DUSP9: variants seen among roughly 807,000 people sequenced by gnomAD.
The protein encoded by DUSP9 is dual specificity phosphatase 9.
In DUSP9, 4 loss-of-function variants were observed where a neutral mutation model predicts 13.2. The observed-to-expected ratio is 0.30, with a 90% CI of 0.15 to 0.69. The LOEUF (loss-of-function observed/expected upper bound fraction) is 0.69, where lower values mean the gene tolerates loss of function less well. Ranked by LOEUF, DUSP9 falls within the 30% of genes least tolerant of loss-of-function variation. The probability of loss-of-function intolerance (pLI) is 0.73; values close to 1 mark genes in which losing one functional copy is unlikely to be tolerated. For synonymous variants in DUSP9, 166 were observed against 172.3 expected, an observed-to-expected ratio of 0.96 and a Z score of 0.29; for missense variants, 263 against 355.0, an observed-to-expected ratio of 0.74 and a Z score of 2.08.
At chrX:153,643,508 A>G (rs1557035088), upstream of DUSP9, 2 of 342,849 alleles carry the variant, frequency 5.8e-6, no homozygotes, top group Non-Finnish European at 1.2e-5. Context: ...AGAAATAAAG[A>G]AGGCACTTTG....
chrX:153,648,749 T>G (rs2091199682), intron 2 of DUSP9, among the ~76,000 whole-genome samples: 1 of 111,691 alleles, frequency 9.0e-6, no homozygotes, highest in Non-Finnish European at 1.9e-5. Flanking sequence ...ATATAAAGTG[T>G]CAGGTGTCCA....
intron 3 of DUSP9, 32 bp from the exon 4 acceptor site, chrX:153,649,948 G>C (rs1774615831): frequency 8.4e-7 from 1 of 1,185,169 alleles, no homozygotes; most frequent in Admixed American, 2.2e-5. Context: ...CCTGCCCTCC[G>C]GGTCTCCCGG....
upstream of DUSP9, chrX:153,643,358 T>C (rs2091175881): frequency 3.4e-6 from 1 of 298,142 alleles, no homozygotes; most frequent in Non-Finnish European, 6.6e-6. Context: ...ACGCGGGCTC[T>C]AGAGGCTGCA....
intron 2 of DUSP9, 121 bp downstream of exon 2, chrX:153,648,447 T>C: frequency 1.2e-6 from 1 of 847,621 alleles, no homozygotes; most frequent in South Asian, 3.6e-5. Flanking sequence ...GCCAGGCTGC[T>C]TTGAGAGGAG....
chrX:153,643,905 G>A (rs947252329), upstream of DUSP9, among the ~76,000 whole-genome samples: 1 of 112,963 alleles, frequency 8.9e-6, no homozygotes, highest in Non-Finnish European at 1.9e-5. Context: ...TGCACTGGGG[G>A]CTGGGGCCAG....
rs2091211790 is a variant in DUSP9, at chrX:153,650,567, A to G, written c.*262A>G. On this transcript the variant is annotated 3_prime_UTR_variant, in exon 4 of 4. Transcript: ENST00000342782. ...CCTCTCCAGGTGGTTGTCCAGGCCC[A>G]GGTCCCGGCCCTGGGTGCTCAGCCA... is the stretch of plus-strand genomic sequence containing the variant. The G allele has an allele frequency of 2.8e-6, 1 of 363,322 alleles. No individual in the cohort carries two copies. Among genetic ancestry groups the G allele is most frequent in the Non-Finnish European group, 4.8e-6 (1 of 209,606 alleles). 29.9% of individuals were successfully genotyped at this position (363,322 alleles called of 1,213,427 possible). A position where few individuals can be genotyped will look rare whatever the true frequency, so the allele number is the denominator to read the frequency against.
chrX:153,643,339 A>T, upstream of DUSP9: 1 of 279,315 alleles, frequency 3.6e-6, no homozygotes, highest in Non-Finnish European at 7.0e-6. Context: ...CTCACCCCCA[A>T]CACCTGGCAC....
Position 153,650,287 on chromosome X carries a change from C to T in DUSP9, c.1137C>T (p.Phe379=). The part of the protein sequence containing the change: ...FFTTPTSDGA[F]ELAPT ...CCACCCCCACCAGTGATGGCGCCTT[C>T]GAGCTGGCCCCCACCTAGGGCCCCG... Residue 379 remains phenylalanine (F), a synonymous_variant, in exon 4 of 4, where the codon TTC becomes TTT. Transcript: ENST00000342782. 3 of 1,193,600 alleles carry T rather than the reference C, an allele frequency of 2.5e-6. No homozygotes were observed. The highest frequency in any genetic ancestry group is 3.4e-6 in the Non-Finnish European group (3 of 885,346).
chrX:153,644,827 C>T (rs1330290641), upstream of DUSP9, among the ~76,000 whole-genome samples: 2 of 112,335 alleles, frequency 1.8e-5, no homozygotes, highest in Non-Finnish European at 3.8e-5. Flanking sequence ...AGCCCAGCTC[C>T]TCTCACCTCC....
chrX:153,649,936 C>T (rs782533169), intron 3 of DUSP9, 44 bp from the exon 4 acceptor site: 2 of 1,173,241 alleles, frequency 1.7e-6, no homozygotes, highest in Admixed American at 2.2e-5. Flanking sequence ...GCCTCACACA[C>T]GCCTGCCCTC....
intron 2 of DUSP9, 76 bp from the exon 3 acceptor site, chrX:153,649,156 T>C (rs2091201530): frequency 2.0e-6 from 2 of 1,007,576 alleles, no homozygotes; most frequent in Middle Eastern, 3.2e-4. Context: ...TCCAGGGTCA[T>C]CTCCCCAGCC....
At chrX:153,643,048 C>G (rs1365780283), upstream of DUSP9, among the ~76,000 whole-genome samples, 1 of 107,909 alleles carries the variant, frequency 9.3e-6, no homozygotes, top group Non-Finnish European at 1.9e-5. Flanking sequence ...CCCCCACCAC[C>G]TCGAACTCCC....
At chrX:153,645,996 C>T (rs1557035458), upstream of DUSP9, among the ~76,000 whole-genome samples, 1 of 112,889 alleles carries the variant, frequency 8.9e-6, no homozygotes, top group East Asian at 2.7e-4. Context: ...CACCGCATTC[C>T]CTCCTTCCTG....
In DUSP9 at chrX:153,650,454, T is replaced by C; in HGVS notation, c.*149T>C. 1 of 453,357 alleles carries C rather than the reference T, an allele frequency of 2.2e-6. No homozygotes were observed. 37.4% of individuals were successfully genotyped at this position (453,357 alleles called of 1,213,427 possible). On this transcript the variant is annotated 3_prime_UTR_variant, in exon 4 of 4. Coordinates refer to ENST00000342782, the MANE Select transcript of DUSP9 (RefSeq NM_001318503.2). ...CAATACCTCACGCGGGCTGCCGTCCTAATCAACGTGCCTATGGCGGGACCA... is the reference window on the plus strand; with the variant it reads ...CAATACCTCACGCGGGCTGCCGTCCCAATCAACGTGCCTATGGCGGGACCA...
rs782345981 is a variant in DUSP9, at chrX:153,649,655, C to T, written c.797C>T (p.Ser266Leu). 8 of 1,209,559 alleles carry T rather than the reference C, an allele frequency of 6.6e-6. No individual in the cohort carries two copies. The highest frequency in any genetic ancestry group is 1.8e-5 in the South Asian group (1 of 56,808). ...TCCGACCACTGGAGCCAGAACCTGT[C>T]GCGGTTCTTTCCGGAGGCCATTGAG... ...PISDHWSQNL[S>L]RFFPEAIEFI... Residue 266 changes from serine to leucine, a missense_variant, in exon 3 of 4, where the codon TCG becomes TTG. Coordinates refer to ENST00000342782, the MANE Select transcript of DUSP9 (RefSeq NM_001318503.2).
upstream of DUSP9, among the ~76,000 whole-genome samples, chrX:153,644,879 C>T (rs782455918): frequency 8.9e-5 from 10 of 112,949 alleles, no homozygotes; most frequent in South Asian, 1.1e-3. Flanking sequence ...AGCTCAGGAG[C>T]TCCCTCTCTA....
In DUSP9 at chrX:153,648,885, G is replaced by C. The variant is rs964784970; in HGVS notation, c.374-347G>C. Among the ~76,000 whole-genome samples, 3 of 112,608 alleles carry C rather than the reference G, an allele frequency of 2.7e-5. No individual in the cohort carries two copies. In the Admixed American group the frequency reaches 2.8e-4, roughly 11 times the overall value. ...TCAGGAGATGCCCAGGCAGAGAGCT[G>C]ACATCTGAGTTCCTCCTTTTCTTTA... On this transcript the variant is annotated intron_variant, in intron 2 of 3. Transcript: ENST00000342782.
At position 153,648,205 on chromosome X, in the gene DUSP9, C is replaced by A; in HGVS notation, c.252C>A (p.Gly84=). The change falls in exon 2 of 4, where the codon GGC becomes GGA. Residue 84 remains glycine (G), a synonymous_variant. Transcript: ENST00000342782. ...CCCCCGTGCTCCTGTACGACCAGGG[C>A]GGGGGCCGGCGCCGGCGCGGGGAGG... ...PPAPVLLYDQ[G]GGRRRRGEAE... The A allele has an allele frequency of 9.5e-7, 1 of 1,052,778 alleles. No homozygotes were observed. The highest frequency in any genetic ancestry group is 2.4e-5 in the South Asian group (1 of 42,122). The allele number at this position is 1,052,778 out of a possible 1,213,427, so 86.8% of individuals were successfully genotyped here.
At chrX:153,645,026 G>A (rs1050682218), upstream of DUSP9, among the ~76,000 whole-genome samples, 4 of 112,892 alleles carry the variant, frequency 3.5e-5, no homozygotes, top group Non-Finnish European at 7.5e-5. Context: ...TTCAACCCCT[G>A]CCCACTCTGA....
Sources: gnomAD v4.1 joint callset for allele counts (sites outside exome capture counted in the v4.1 genomes callset) on GRCh38, gnomAD v4.1.1 for gene constraint, MANE v1.5 for transcripts, NCBI Gene and HGNC (gene_info 2026-07-23, HGNC 2026-07-21) for gene names.